Variants in HOXC4 observed in about 807,000 individuals in gnomAD.
HOXC4 encodes the protein homeobox protein Hox-C4.
HOXC4 carries 15 observed loss-of-function variants against 25.5 expected under a neutral mutation model. That is an observed-to-expected ratio of 0.59 (90% CI 0.39 to 0.91). The LOEUF (loss-of-function observed/expected upper bound fraction) is 0.91, where lower values mean the gene tolerates loss of function less well. Ranked by LOEUF, HOXC4 falls within the 40% of genes least tolerant of loss-of-function variation. The pLI, the probability that HOXC4 is intolerant of heterozygous loss-of-function variation, is 0.00. For synonymous variants in HOXC4, 165 were observed against 148.0 expected, an observed-to-expected ratio of 1.11 and a Z score of -0.83; for missense variants, 342 against 352.4, an observed-to-expected ratio of 0.97 and a Z score of 0.24.
Position 54,055,951 on chromosome 12 carries a change from A to G in HOXC4, c.*746A>G, listed in dbSNP as rs549165481. Reference sequence around the variant, plus strand: ...GGACTGAATTTACTTGATTATTGTAAAACTTGCAATAAAGAATTTTAGTGT... The same window carrying G: ...GGACTGAATTTACTTGATTATTGTAGAACTTGCAATAAAGAATTTTAGTGT... On this transcript the variant is annotated 3_prime_UTR_variant, in exon 2 of 2. Transcript: ENST00000430889. 5.9e-5 allele frequency: 9 copies of G among 152,740 alleles called. No individual in the cohort carries two copies. In the East Asian group the frequency reaches 1.5e-3, roughly 26 times the overall value. 9.5% of individuals were successfully genotyped at this position (152,740 alleles called of 1,614,324 possible). A position where few individuals can be genotyped will look rare whatever the true frequency, so the allele number is the denominator to read the frequency against.
At chr12:54,048,189 A>G (rs1937761875) in intron 1 of HOXC4, among the ~76,000 whole-genome samples, 1 of 152,036 alleles carries the variant, frequency 6.6e-6, no homozygotes, top group African/African-American at 2.4e-5. Flanking sequence ...CCTGGAAGAG[A>G]AAAAAAGGCA....
upstream of HOXC4, among the ~76,000 whole-genome samples, chr12:54,051,523 T>G (rs1450053917): frequency 6.6e-6 from 1 of 152,182 alleles, no homozygotes. Context: ...CAAACCAGCC[T>G]GTCCTCACAT....
intron 1 of HOXC4, among the ~76,000 whole-genome samples, chr12:54,045,161 G>T (rs186579792): frequency 6.6e-6 from 1 of 152,290 alleles, no homozygotes; most frequent in African/African-American, 2.4e-5. Context: ...TCATTCCTAG[G>T]ACTCCATGCA....
Position 54,054,300 on chromosome 12 carries a change from C to T in HOXC4, c.378C>T (p.Ser126=). ...GCCAGCCAGCCCCCGACCATCCCTC[C>T]AGCGCCGCCAGCAAGCAACCCATAG... ...ACSQPAPDHP[S]SAASKQPIVY... The change falls in exon 1 of 2, where the codon TCC becomes TCT. Residue 126 remains serine, a synonymous_variant. Transcript: ENST00000430889. 1 of 1,606,336 alleles carries T rather than the reference C, an allele frequency of 6.2e-7. No homozygotes were observed. Among genetic ancestry groups the T allele is most frequent in the South Asian group, 1.1e-5 (1 of 90,544 alleles).
intron 1 of HOXC4, chr12:54,032,997 TAAAG>T (rs758534351): frequency 1.2e-5 from 9 of 727,094 alleles, no homozygotes; most frequent in African/African-American, 7.2e-5. Flanking sequence ...GCGCATAGGA[TAAAG>T]AAAGAGATAT....
chr12:54,038,567 C>A (rs969917221), intron 1 of HOXC4, among the ~76,000 whole-genome samples: 4 of 152,184 alleles, frequency 2.6e-5, no homozygotes, highest in Admixed American at 6.5e-5. Flanking sequence ...ACCCAGAGGT[C>A]CCAGAGTGCC....
intron 1 of HOXC4, among the ~76,000 whole-genome samples, chr12:54,044,725 TTGTG>T (rs58933808): frequency 8.2e-5 from 12 of 146,936 alleles, no homozygotes; most frequent in South Asian, 4.2e-4. Flanking sequence ...GTGTGTGTGT[TTGTG>T]TGTGTGTGTG....
chr12:54,026,593 C>A (rs1940709449), intron 1 of HOXC4, among the ~76,000 whole-genome samples: 2 of 152,148 alleles, frequency 1.3e-5, no homozygotes, highest in African/African-American at 4.8e-5. Context: ...CAAATACCGA[C>A]AAATTTCTGT....
chr12:54,034,839 C>T, intron 1 of HOXC4: 1 of 311,016 alleles, frequency 3.2e-6, no homozygotes. Context: ...CAGCGCGGCC[C>T]TCCCGAGTTA....
At chr12:54,024,792 A>G (rs984535984) in intron 1 of HOXC4, among the ~76,000 whole-genome samples, 22 of 151,970 alleles carry the variant, frequency 1.4e-4, no homozygotes, top group African/African-American at 5.3e-4. Flanking sequence ...CTGCAATGCC[A>G]CCCTTATCCT....
intron 1 of HOXC4, chr12:54,030,415 A>G (rs1940941593): frequency 6.5e-6 from 1 of 152,810 alleles, no homozygotes; most frequent in Non-Finnish European, 1.5e-5. Flanking sequence ...AGGCCCAAGG[A>G]GGGCGCGCCT....
intron 1 of HOXC4, chr12:54,028,368 C>T: frequency 1.3e-6 from 1 of 741,582 alleles, no homozygotes; most frequent in South Asian, 2.2e-5. Flanking sequence ...TTCCTGACAT[C>T]TGGCTTGCGA....
At chr12:54,036,197 G>A (rs1565747505) in intron 1 of HOXC4, among the ~76,000 whole-genome samples, 1 of 152,132 alleles carries the variant, frequency 6.6e-6, no homozygotes, top group Non-Finnish European at 1.5e-5. Flanking sequence ...GATGGGCTGG[G>A]GGAGGAAGCA....
At chr12:54,039,581 GA>G (rs1331590629) in intron 1 of HOXC4, among the ~76,000 whole-genome samples, 1 of 151,948 alleles carries the variant, frequency 6.6e-6, no homozygotes, top group South Asian at 2.1e-4. Flanking sequence ...CAACGCATTG[GA>G]AAAAACTAAT....
intron 1 of HOXC4, chr12:54,028,246 CAT>C (rs147627891): frequency 1.5e-3 from 220 of 149,172 alleles, no homozygotes; most frequent in Non-Finnish European, 2.0e-3. Context: ...AGTTCCCTTA[CAT>C]ATATATATAT....
At chr12:54,019,990 C>G (rs1354662597) in intron 1 of HOXC4, 1 of 152,192 alleles carries the variant, frequency 6.6e-6, no homozygotes, top group Non-Finnish European at 1.5e-5. Flanking sequence ...AGGGGATAAA[C>G]TGGACCCCAG....
chr12:54,039,254 G>A (rs954574222), intron 1 of HOXC4, among the ~76,000 whole-genome samples: 1 of 152,174 alleles, frequency 6.6e-6, no homozygotes, highest in Non-Finnish European at 1.5e-5. Flanking sequence ...TCTGCTTTGT[G>A]GAGAGGTGCT....
chr12:54,023,011 T>G (rs1940517775), intron 1 of HOXC4, among the ~76,000 whole-genome samples: 1 of 152,192 alleles, frequency 6.6e-6, no homozygotes, highest in Non-Finnish European at 1.5e-5. Context: ...TTCTGCATTT[T>G]AATTTTTCTC....
intron 1 of HOXC4, among the ~76,000 whole-genome samples, chr12:54,027,026 A>C (rs905552529): frequency 1.3e-5 from 2 of 151,122 alleles, no homozygotes; most frequent in Non-Finnish European, 2.9e-5. Flanking sequence ...CTTCTTTGTC[A>C]ACTCAAGGCA....
Sources: gnomAD v4.1 joint callset for allele counts (sites outside exome capture counted in the v4.1 genomes callset) on GRCh38, gnomAD v4.1.1 for gene constraint, MANE v1.5 for transcripts, NCBI Gene and HGNC (gene_info 2026-07-23, HGNC 2026-07-21) for gene names.